C22orf23: variants seen among roughly 807,000 people sequenced by gnomAD.
C22orf23 encodes UPF0193 protein EVG1.
Under a neutral mutation model 29.7 loss-of-function variants are expected in C22orf23, and 30 were observed. That is an observed-to-expected ratio of 1.01 (90% CI 0.76 to 1.37). The LOEUF (loss-of-function observed/expected upper bound fraction) is 1.37. Ranked by LOEUF, C22orf23 falls within the 40% of genes most tolerant of loss-of-function variation. C22orf23 has a pLI of 0.00. For missense variants in C22orf23, 237 were observed against 273.1 expected (o/e 0.87, Z 0.93); for synonymous variants, 90 against 96.1 (o/e 0.94, Z 0.37).
chr22:37,952,983 T>C (rs756124304), intron 2 of C22orf23, 64 bp downstream of exon 2: 224 of 1,205,486 alleles, frequency 1.9e-4, no homozygotes, highest in Non-Finnish European at 2.3e-4. Context: ...AGTGGAAAAA[T>C]TGTCTTCCAC....
chr22:37,948,248 G>A (rs974914045), intron 3 of C22orf23, among the ~76,000 whole-genome samples: 26 of 152,256 alleles, frequency 1.7e-4, no homozygotes, highest in African/African-American at 5.5e-4. Context: ...AGGAGTTTGA[G>A]ACCAGCCTGG....
intron 1 of C22orf23, 56 bp downstream of exon 1, chr22:37,953,390 AAC>A: frequency 1.7e-6 from 1 of 575,112 alleles, no homozygotes; most frequent in South Asian, 2.1e-5. Context: ...AGGGAGTGTT[AAC>A]ACAGCCATGG....
intron 4 of C22orf23, among the ~76,000 whole-genome samples, chr22:37,945,561 T>C (rs1428585980): frequency 6.7e-6 from 1 of 150,194 alleles, no homozygotes; most frequent in Non-Finnish European, 1.5e-5. Context: ...GTGATACAAT[T>C]TCGGCTCACT....
chr22:37,949,219 G>C (rs1294839507), intron 3 of C22orf23, among the ~76,000 whole-genome samples: 5 of 151,284 alleles, frequency 3.3e-5, no homozygotes, highest in Admixed American at 3.3e-4. Flanking sequence ...TGTGTCACCT[G>C]TCTGGTCAGT....
chr22:37,948,367 T>C (rs1930825124), intron 3 of C22orf23, among the ~76,000 whole-genome samples: 1 of 151,218 alleles, frequency 6.6e-6, no homozygotes, highest in Non-Finnish European at 1.5e-5. Flanking sequence ...GGAGAATCAC[T>C]TGAACCCAGG....
At chr22:37,953,376 C>T (rs961089467) in intron 1 of C22orf23, 72 bp downstream of exon 1, 5 of 575,346 alleles carry the variant, frequency 8.7e-6, no homozygotes, top group Non-Finnish European at 1.5e-5. Flanking sequence ...GAAGTCTCCT[C>T]GGGAGGGAGT....
chr22:37,946,709 A>G (rs181089259), intron 4 of C22orf23, among the ~76,000 whole-genome samples: 114 of 151,302 alleles, frequency 7.5e-4, no homozygotes, highest in African/African-American at 2.7e-3. Context: ...GTGAATCCCC[A>G]TCTCTACTAA....
At chr22:37,947,218 G>T in intron 4 of C22orf23, 63 bp downstream of exon 4, 1 of 1,569,028 alleles carries the variant, frequency 6.4e-7, no homozygotes, top group Non-Finnish European at 8.8e-7. Context: ...GGCTGCTTGC[G>T]TCCCTCTCCC....
In C22orf23 at chr22:37,943,850, G is replaced by A; in HGVS notation, c.*325C>T. On this transcript the variant is annotated 3_prime_UTR_variant, in exon 7 of 7. Transcript: ENST00000403305. ...GAAGAAAGGAATCATATTCATTCCT[G>A]AATTCAGAAAACTAAATGAACAGGC... The A allele has an allele frequency of 2.8e-6, 1 of 351,404 alleles. No individual in the cohort carries two copies. Among genetic ancestry groups the A allele is most frequent in the Non-Finnish European group, 5.2e-6 (1 of 191,936 alleles). 21.8% of individuals were successfully genotyped at this position (351,404 alleles called of 1,614,324 possible).
In C22orf23 at chr22:37,944,454, T is replaced by C. The variant is rs1445039339; in HGVS notation, c.545A>G (p.Lys182Arg). The change falls in exon 6 of 7, where the codon AAA becomes AGA. Residue 182 changes from lysine (K) to arginine (R), a missense_variant. Transcript: ENST00000403305. ...LADMEALGQG[K>R]QYRGIILAEI... Reference sequence around the variant, plus strand: ...AGCAAGGATGATTCCTCGGTACTGTTTGCCCTGTCCCAGGGCCTCCATGTC... The same window carrying C: ...AGCAAGGATGATTCCTCGGTACTGTCTGCCCTGTCCCAGGGCCTCCATGTC... 3 of 1,614,188 alleles carry C rather than the reference T, an allele frequency of 1.9e-6. No individual in the cohort carries two copies. In the African/African-American group the frequency reaches 4.0e-5, roughly 22 times the overall value.
chr22:37,952,576 A>G (rs890012299), intron 2 of C22orf23: 1 of 141,400 alleles, frequency 7.1e-6, no homozygotes, highest in African/African-American at 2.6e-5. Flanking sequence ...ATGCAGTAGA[A>G]TTTTGAAGCT....
intron 3 of C22orf23, among the ~76,000 whole-genome samples, chr22:37,947,829 G>A (rs531880060): frequency 4.0e-5 from 6 of 151,246 alleles, no homozygotes; most frequent in African/African-American, 1.5e-4. Flanking sequence ...AAAGTTGGCC[G>A]GGCATGGTGG....
chr22:37,944,860 A>G (rs1040209534), intron 5 of C22orf23, 182 bp downstream of exon 5: 18 of 682,784 alleles, frequency 2.6e-5, no homozygotes, highest in Non-Finnish European at 2.3e-5. Flanking sequence ...AGATCACGCC[A>G]CTGCACTCTA....
Position 37,953,175 on chromosome 22 carries a change from G to A in C22orf23, c.-9-17C>T, listed in dbSNP as rs1223014799. ...GGGAGGACTCTGAGGAGGGAAAGAC[G>A]CAATGACACACCCCCTGTCTCCTGT... is the stretch of plus-strand genomic sequence containing the variant. On this transcript the variant is annotated splice_polypyrimidine_tract_variant and intron_variant, in intron 1 of 6. Transcript: ENST00000403305. 2.6e-6 allele frequency: 4 copies of A among 1,515,812 alleles called. No homozygotes were observed. The highest frequency in any genetic ancestry group is 2.7e-5 in the African/African-American group (2 of 72,928). The allele number at this position is 1,515,812 out of a possible 1,614,324, so 93.9% of individuals were successfully genotyped here.
chr22:37,945,805 A>C (rs1325905860), intron 4 of C22orf23, among the ~76,000 whole-genome samples: 1 of 128,466 alleles, frequency 7.8e-6, no homozygotes, highest in South Asian at 2.5e-4. Flanking sequence ...CCGATATCCT[A>C]TCTCTAAAAA....
rs1308020171 is a variant in C22orf23, at chr22:37,943,620, T to C, written c.*555A>G. The stretch of plus-strand genomic sequence containing the variant: ...GGGGTGCCCAAGAGGTTGGTTCCCG[T>C]TGCCACTTGAAATATGCAAACAGGT... On this transcript the variant is annotated 3_prime_UTR_variant, in exon 7 of 7. Transcript: ENST00000403305. 6.3e-6 allele frequency: 1 copy of C among 158,132 alleles called. No individual in the cohort carries two copies. Among genetic ancestry groups the C allele is most frequent in the Non-Finnish European group, 1.4e-5 (1 of 71,418 alleles). 9.8% of individuals were successfully genotyped at this position (158,132 alleles called of 1,614,324 possible).
At chr22:37,944,361 A>T in intron 6 of C22orf23, 56 bp downstream of exon 6, 1 of 1,613,384 alleles carries the variant, frequency 6.2e-7, no homozygotes, top group Non-Finnish European at 8.5e-7. Context: ...CTGTATTTCC[A>T]TTCGCACTTG....
intron 5 of C22orf23, chr22:37,944,778 A>G: frequency 1.8e-6 from 1 of 568,950 alleles, no homozygotes; most frequent in Non-Finnish European, 3.1e-6. Flanking sequence ...GGGCGCTGGT[A>G]ATCCCAGCTA....
intron 4 of C22orf23, among the ~76,000 whole-genome samples, chr22:37,946,540 A>G (rs1366235246): frequency 6.9e-6 from 1 of 145,618 alleles, no homozygotes; most frequent in African/African-American, 2.5e-5. Flanking sequence ...ATGCCACTGT[A>G]TTACAGAATG....
Sources: allele counts gnomAD v4.1 joint callset (sites outside exome capture counted in the v4.1 genomes callset), GRCh38; gene constraint gnomAD v4.1.1; transcripts MANE v1.5; gene names NCBI Gene and HGNC (gene_info 2026-07-23, HGNC 2026-07-21).